The following EPHA7 variants were observed in gnomAD, a reference collection of about 807,000 sequenced individuals.
EPHA7 encodes the protein EPH receptor A7, also known as ephrin type-A receptor 7.
EPHA7 carries 25 observed loss-of-function variants against 112.6 expected under a neutral mutation model. The ratio of observed to expected loss-of-function variants is 0.22; its 90% confidence interval spans 0.16 to 0.31. The LOEUF (loss-of-function observed/expected upper bound fraction) is 0.31, where lower values mean the gene tolerates loss of function less well. EPHA7 is among the 10% of genes least tolerant of loss of function. The pLI is 1.00. For synonymous variants in EPHA7, 437 were observed against 406.5 expected, an observed-to-expected ratio of 1.07 and a Z score of -0.90; for missense variants, 962 against 1,212.6, an observed-to-expected ratio of 0.79 and a Z score of 3.07.
At chr6:93,350,044 C>T (rs958612651) in intron 5 of EPHA7, among the ~76,000 whole-genome samples, 2 of 151,814 alleles carry the variant, frequency 1.3e-5, no homozygotes, top group African/African-American at 2.4e-5. Flanking sequence ...GGAATACTGA[C>T]GCAAACCTTT....
chr6:93,386,099 G>A (rs915292498), intron 3 of EPHA7, among the ~76,000 whole-genome samples: 1 of 152,032 alleles, frequency 6.6e-6, no homozygotes, highest in African/African-American at 2.4e-5. Flanking sequence ...TCCACCCTGG[G>A]CACCTCCCAA....
At position 93,358,372 on chromosome 6, in the gene EPHA7, A is replaced by T. The variant is rs1467643679; in HGVS notation, c.872T>A (p.Leu291His). The T allele has an allele frequency of 6.2e-7, 1 of 1,612,782 alleles. No individual in the cohort carries two copies. ...GTGAGTTGGACAACGAGAGCACTGAAGATCTTGAGAGGAAGACTTGTAGAA... is the reference window on the plus strand; with the variant it reads ...GTGAGTTGGACAACGAGAGCACTGATGATCTTGAGAGGAAGACTTGTAGAA... ...RGFYKSSSQD[L>H]QCSRCPTHSF... is the part of the protein sequence containing the mutation. The change falls in exon 4 of 17, where the codon CTT (leucine) becomes CAT (histidine). Residue 291 changes from leucine to histidine, a missense_variant. Transcript: ENST00000369303.
chr6:93,399,222 C>T (rs1387686594), intron 3 of EPHA7, among the ~76,000 whole-genome samples: 1 of 152,060 alleles, frequency 6.6e-6, no homozygotes, highest in African/African-American at 2.4e-5. Flanking sequence ...ATTTCCTAAT[C>T]ATTAATTGCT....
At chr6:93,255,601 A>G (rs1770406373) in intron 13 of EPHA7, among the ~76,000 whole-genome samples, 1 of 152,100 alleles carries the variant, frequency 6.6e-6, no homozygotes, top group South Asian at 2.1e-4. Context: ...GACTCTCCCA[A>G]TATAGGGCAG....
intron 5 of EPHA7, among the ~76,000 whole-genome samples, chr6:93,317,561 T>C (rs1773872637): frequency 6.6e-6 from 1 of 152,230 alleles, no homozygotes; most frequent in African/African-American, 2.4e-5. Flanking sequence ...TTCTTTTTAA[T>C]GAGGCCTTGG....
At chr6:93,407,562 A>G (rs1204162650) in intron 3 of EPHA7, among the ~76,000 whole-genome samples, 2 of 152,050 alleles carry the variant, frequency 1.3e-5, no homozygotes, top group African/African-American at 2.4e-5. Context: ...GTCATAAGCA[A>G]TTTACTTGAC....
At chr6:93,387,676 G>A (rs1344419965) in intron 3 of EPHA7, among the ~76,000 whole-genome samples, 2 of 152,066 alleles carry the variant, frequency 1.3e-5, no homozygotes, top group East Asian at 1.9e-4. Context: ...TTATGATCAT[G>A]GAGGAAGGGG....
intron 5 of EPHA7, among the ~76,000 whole-genome samples, chr6:93,338,834 A>G (rs1775001067): frequency 6.6e-6 from 1 of 151,316 alleles, no homozygotes; most frequent in South Asian, 2.1e-4. Flanking sequence ...GAGGTCCTGT[A>G]GTCTGATAGA....
intron 16 of EPHA7, among the ~76,000 whole-genome samples, chr6:93,244,794 G>A (rs1369154551): frequency 1.3e-5 from 2 of 152,076 alleles, no homozygotes; most frequent in South Asian, 2.1e-4. Context: ...AATCATATTG[G>A]ACGTTCTAAT....
At chr6:93,330,147 G>T (rs1345576788) in intron 5 of EPHA7, among the ~76,000 whole-genome samples, 2 of 151,174 alleles carry the variant, frequency 1.3e-5, no homozygotes, top group Non-Finnish European at 3.0e-5. Flanking sequence ...GGATGAAAGT[G>T]ACTCTTTTTA....
At chr6:93,264,021 C>T (rs966707129) in intron 8 of EPHA7, 106 bp from the exon 9 acceptor site, 11 of 734,850 alleles carry the variant, frequency 1.5e-5, no homozygotes, top group African/African-American at 1.1e-4. Context: ...GTTAAATTTA[C>T]TGTTCATAGT....
At chr6:93,310,234 C>T (rs1215904531) in intron 5 of EPHA7, among the ~76,000 whole-genome samples, 1 of 152,116 alleles carries the variant, frequency 6.6e-6, no homozygotes, top group Non-Finnish European at 1.5e-5. Flanking sequence ...GTTGTACGGC[C>T]ACCCCCAACA....
At chr6:93,339,550 G>A (rs148670999) in intron 5 of EPHA7, among the ~76,000 whole-genome samples, 1 of 151,782 alleles carries the variant, frequency 6.6e-6, no homozygotes, top group East Asian at 1.9e-4. Context: ...TAAAGAGATT[G>A]CATTACTTGC....
intron 5 of EPHA7, among the ~76,000 whole-genome samples, chr6:93,292,866 G>C (rs960728267): frequency 6.6e-6 from 1 of 152,018 alleles, no homozygotes. Context: ...ATAAATCTGC[G>C]CTCCTGCCAA....
intron 5 of EPHA7, among the ~76,000 whole-genome samples, chr6:93,291,737 C>T (rs1306642245): frequency 8.4e-6 from 1 of 118,472 alleles, no homozygotes; most frequent in Non-Finnish European, 1.6e-5. Flanking sequence ...CACTGCACTC[C>T]AGCCTGGGCG....
Position 93,246,999 on chromosome 6 carries a change from G to T in EPHA7, c.2533-14C>A, listed in dbSNP as rs1205960877. 1.2e-5 allele frequency: 18 copies of T among 1,541,876 alleles called. No homozygotes were observed. The highest frequency in any genetic ancestry group is 1.4e-5 in the Non-Finnish European group (16 of 1,131,552). On this transcript the variant is annotated splice_polypyrimidine_tract_variant and intron_variant, in intron 14 of 16. Coordinates refer to ENST00000369303, the MANE Select transcript of EPHA7 (RefSeq NM_004440.4). ...TGCTTTTATAACCTAATAGCCAAAA[G>T]GACATTACAAATATTACTGATTTAG...
At chr6:93,279,056 GA>G (rs987367925) in intron 5 of EPHA7, among the ~76,000 whole-genome samples, 3 of 152,010 alleles carry the variant, frequency 2.0e-5, no homozygotes, top group African/African-American at 7.2e-5. Flanking sequence ...GCTGAGCAGA[GA>G]TTTTTTAAAT....
rs1769737408 is a variant in EPHA7, at chr6:93,242,609, C to A, written c.*817G>T. 2 of 216,054 alleles carry A rather than the reference C, an allele frequency of 9.3e-6. No homozygotes were observed. Among genetic ancestry groups the A allele is most frequent in the Admixed American group, 5.8e-5 (1 of 17,164 alleles). The allele number at this position is 216,054 out of a possible 1,614,324, so 13.4% of individuals were successfully genotyped here. On this transcript the variant is annotated 3_prime_UTR_variant, in exon 17 of 17. Coordinates refer to ENST00000369303, the MANE Select transcript of EPHA7 (RefSeq NM_004440.4). ...ACCTAAACTTCGAGTTTATTAAATT[C>A]TTTCTAGTAAAATCACTCTATAAAC...
intron 2 of EPHA7, among the ~76,000 whole-genome samples, 172 bp downstream of exon 2, chr6:93,414,531 C>T (rs1360222708): frequency 2.0e-5 from 3 of 151,754 alleles, no homozygotes; most frequent in Non-Finnish European, 3.0e-5. Context: ...CTAAGTATAC[C>T]CTCTCTAATC....
Sources: gnomAD v4.1 joint callset for allele counts (sites outside exome capture counted in the v4.1 genomes callset) on GRCh38, gnomAD v4.1.1 for gene constraint, MANE v1.5 for transcripts, NCBI Gene and HGNC (gene_info 2026-07-23, HGNC 2026-07-21) for gene names.